Variants in DSCAM observed in about 807,000 individuals in gnomAD.
The protein encoded by DSCAM is cell adhesion molecule DSCAM.
In DSCAM, 47 loss-of-function variants were observed where a neutral mutation model predicts 217.7. That is an observed-to-expected ratio of 0.22 (90% CI 0.17 to 0.28). The LOEUF is 0.28. Ranked by LOEUF, DSCAM falls within the 10% of genes least tolerant of loss-of-function variation. DSCAM has a pLI of 1.00. For missense variants in DSCAM, 2,080 were observed against 2,618.3 expected (o/e 0.79, Z 4.49); for synonymous variants, 1,056 against 1,015.3 (o/e 1.04, Z -0.76).
intron 1 of DSCAM, among the ~76,000 whole-genome samples, chr21:40,767,489 T>A (rs1230788133): frequency 6.6e-6 from 1 of 152,206 alleles, no homozygotes; most frequent in Non-Finnish European, 1.5e-5. Flanking sequence ...TTTTCTTTTT[T>A]AGCGTGAGAA....
intron 15 of DSCAM, among the ~76,000 whole-genome samples, chr21:40,168,776 A>G (rs1331893206): frequency 6.6e-6 from 1 of 152,172 alleles, no homozygotes; most frequent in African/African-American, 2.4e-5. Context: ...AGTTCTGAGT[A>G]GTAGCATGAT....
chr21:40,767,953 CATTTT>C (rs935438382), intron 1 of DSCAM, among the ~76,000 whole-genome samples: 38 of 152,014 alleles, frequency 2.5e-4, no homozygotes, highest in African/African-American at 7.0e-4. Context: ...AGATATACAG[CATTTT>C]ATTTTGTCTA....
intron 3 of DSCAM, among the ~76,000 whole-genome samples, chr21:40,536,402 T>C (rs906942278): frequency 3.6e-5 from 4 of 112,508 alleles, no homozygotes; most frequent in Non-Finnish European, 7.7e-5. Flanking sequence ...GGTAGAGTCT[T>C]TTTTTTTTTT....
intron 11 of DSCAM, among the ~76,000 whole-genome samples, chr21:40,237,265 G>T (rs2073091795): frequency 6.6e-6 from 1 of 152,174 alleles, no homozygotes; most frequent in Non-Finnish European, 1.5e-5. Flanking sequence ...TGGAGAACAT[G>T]CAGGTTTGTT....
intron 4 of DSCAM, among the ~76,000 whole-genome samples, chr21:40,366,543 C>A (rs891916116): frequency 2.0e-5 from 3 of 151,828 alleles, no homozygotes; most frequent in Non-Finnish European, 4.4e-5. Context: ...TCATTTCAAA[C>A]AAAAAAATAT....
intron 3 of DSCAM, among the ~76,000 whole-genome samples, chr21:40,669,626 C>G (rs1355476322): frequency 6.8e-6 from 1 of 147,780 alleles, no homozygotes; most frequent in Non-Finnish European, 1.5e-5. Context: ...CTCGCTCTGT[C>G]AGAGTACAGC....
rs902776571 is a variant in DSCAM at position 40,378,615 on chromosome 21, G to T, written c.509-9370C>A. ...TTTTTTTTTTTTTTTTTTTTGAGACGGAGTCTCGCTCTGTCGCCCAGGCTG... is the reference window on the plus strand; with the variant it reads ...TTTTTTTTTTTTTTTTTTTTGAGACTGAGTCTCGCTCTGTCGCCCAGGCTG... On this transcript the variant is annotated intron_variant, in intron 3 of 32. Transcript: ENST00000400454. Among the ~76,000 whole-genome samples the T allele has an allele frequency of 5.8e-5, 6 of 102,650 alleles. No homozygotes were observed. In the South Asian group the frequency reaches 9.9e-4, roughly 17 times the overall value. 67.3% of individuals were successfully genotyped at this position (102,650 alleles called of 152,430 possible).
chr21:40,524,816 C>T (rs2146095880), intron 3 of DSCAM, among the ~76,000 whole-genome samples: 1 of 152,008 alleles, frequency 6.6e-6, no homozygotes, highest in Middle Eastern at 3.4e-3. Flanking sequence ...CAAGACAAGC[C>T]TGACCAACAT....
intron 3 of DSCAM, among the ~76,000 whole-genome samples, chr21:40,521,423 C>T (rs1305194996): frequency 6.6e-6 from 1 of 152,130 alleles, no homozygotes; most frequent in Non-Finnish European, 1.5e-5. Flanking sequence ...CCCTTGTTAT[C>T]TTATTATGTC....
chr21:40,789,718 G>C (rs1165562578), intron 1 of DSCAM, among the ~76,000 whole-genome samples: 4 of 152,068 alleles, frequency 2.6e-5, no homozygotes, highest in South Asian at 2.1e-4. Flanking sequence ...ACCCCGCCCA[G>C]CTAATTTTTT....
chr21:40,236,648 C>G (rs576991915), intron 11 of DSCAM, among the ~76,000 whole-genome samples: 1 of 152,060 alleles, frequency 6.6e-6, no homozygotes, highest in African/African-American at 2.4e-5. Context: ...GTCAACTGAG[C>G]CCTAGGCATT....
chr21:40,040,836 C>T (rs949699280), intron 32 of DSCAM, among the ~76,000 whole-genome samples: 16 of 152,174 alleles, frequency 1.1e-4, no homozygotes, highest in African/African-American at 3.9e-4. Flanking sequence ...CTCTCCAGTC[C>T]TCCTCACCTT....
At chr21:40,659,381 CTA>C (rs1338960885) in intron 3 of DSCAM, among the ~76,000 whole-genome samples, 148 of 138,532 alleles carry the variant, frequency 1.1e-3, no homozygotes, top group African/African-American at 4.1e-3. Flanking sequence ...ATCTATCTAT[CTA>C]TCTATCTATC....
intron 1 of DSCAM, among the ~76,000 whole-genome samples, chr21:40,834,426 A>AAATAATAATAAT (rs57612141): frequency 1.4e-5 from 2 of 141,520 alleles, no homozygotes; most frequent in African/African-American, 2.6e-5. Context: ...AATAATAATA[A>AAATAATAATAAT]AATAATAATA....
Position 40,352,210 on chromosome 21 carries a change from C to G in DSCAM, c.934+1255G>C, listed in dbSNP as rs116688555. On this transcript the variant is annotated intron_variant, in intron 5 of 32. Coordinates refer to ENST00000400454, the MANE Select transcript of DSCAM (RefSeq NM_001389.5). ...CAACCAGACAGATTTGCTTGAGATG[C>G]CTTCAGTACTATCCTAAGATATAAA... 3.0e-3 allele frequency among the ~76,000 whole-genome samples: 461 copies of G among 152,212 alleles called. 1 individual carries two copies. Among genetic ancestry groups the G allele is most frequent in the African/African-American group, 0.011 (441 of 41,534 alleles).
intron 11 of DSCAM, among the ~76,000 whole-genome samples, chr21:40,244,225 T>C (rs2073191831): frequency 6.6e-6 from 1 of 151,934 alleles, no homozygotes; most frequent in Admixed American, 6.6e-5. Context: ...CCAAGGCGGG[T>C]GGATCACTTG....
At chr21:40,257,847 C>T (rs912116387) in intron 11 of DSCAM, among the ~76,000 whole-genome samples, 2 of 152,132 alleles carry the variant, frequency 1.3e-5, no homozygotes, top group Non-Finnish European at 2.9e-5. Context: ...ACAATGACAA[C>T]ACTCATGGTA....
rs1311339452 is a variant in DSCAM at position 40,692,964 on chromosome 21, G to A, written c.362-8C>T. 1 of 1,598,752 alleles carries A rather than the reference G, an allele frequency of 6.3e-7. No individual in the cohort carries two copies. Among genetic ancestry groups the A allele is most frequent in the African/African-American group, 1.3e-5 (1 of 74,826 alleles). ...TATAGGGCTCCCGTAAAACTGGAAG[G>A]CAGAAAGAGGACGTCAGTAAGGCAC... On this transcript the variant is annotated splice_region_variant and splice_polypyrimidine_tract_variant and intron_variant, in intron 2 of 32. Coordinates refer to ENST00000400454, the MANE Select transcript of DSCAM (RefSeq NM_001389.5).
At chr21:40,333,371 C>CGACT (rs1569068684) in intron 8 of DSCAM, among the ~76,000 whole-genome samples, 1 of 152,008 alleles carries the variant, frequency 6.6e-6, no homozygotes, top group African/African-American at 2.4e-5. Context: ...ACTGATCGAT[C>CGACT]GATTGATTGA....
Sources: gnomAD v4.1 joint callset for allele counts (sites outside exome capture counted in the v4.1 genomes callset) on GRCh38, gnomAD v4.1.1 for gene constraint, MANE v1.5 for transcripts, NCBI Gene and HGNC (gene_info 2026-07-23, HGNC 2026-07-21) for gene names.